The following PLA2G4B variants were observed in gnomAD, a reference collection of about 807,000 sequenced individuals.
The protein encoded by PLA2G4B is cytosolic phospholipase A2 beta.
In PLA2G4B, 122 loss-of-function variants were observed where a neutral mutation model predicts 95.8. The ratio of observed to expected loss-of-function variants is 1.27; its 90% CI spans 1.10 to 1.48. PLA2G4B has a LOEUF of 1.48. PLA2G4B is among the 40% of genes most tolerant of loss of function. PLA2G4B has a pLI of 0.00. For synonymous variants in PLA2G4B, 518 were observed against 421.5 expected (o/e 1.23, Z -2.80); for missense variants, 1,158 against 996.2 (o/e 1.16, Z -2.19).
In PLA2G4B at chr15:41,842,542, C is replaced by T. The variant is rs2065452836; in HGVS notation, c.706-12C>T. On this transcript the variant is annotated splice_polypyrimidine_tract_variant and intron_variant, in intron 9 of 19. Coordinates refer to ENST00000458483, the MANE Select transcript of PLA2G4B (RefSeq NM_001114633.2). ...GCCGACCTTTTGTGACTGGGGCCTT[C>T]ACGGTTTTCAGGAGCCCCTGATGAG... 6.2e-7 allele frequency: 1 copy of T among 1,610,978 alleles called. No homozygotes were observed. The highest frequency in any genetic ancestry group is 8.5e-7 in the Non-Finnish European group (1 of 1,179,128).
rs773104514 is a variant in PLA2G4B at position 41,841,586 on chromosome 15, C to G, written c.490+15C>G. The G allele has an allele frequency of 6.2e-7, 1 of 1,613,960 alleles. No homozygotes were observed. Among genetic ancestry groups the G allele is most frequent in the South Asian group, 1.1e-5 (1 of 91,080 alleles). ...AGACCAGAAGTGTGAGTCCCCAACCCACTGGGACAGCCCCTGGCTCTCAGC... is the reference window on the plus strand; with the variant it reads ...AGACCAGAAGTGTGAGTCCCCAACCGACTGGGACAGCCCCTGGCTCTCAGC... On this transcript the variant is annotated intron_variant, in intron 7 of 19. Coordinates refer to ENST00000458483, the MANE Select transcript of PLA2G4B (RefSeq NM_001114633.2).
At position 41,844,506 on chromosome 15, in the gene PLA2G4B, G is replaced by C. The variant is rs140661399; in HGVS notation, c.915G>C (p.Gly305=). 5.0e-5 allele frequency: 80 copies of C among 1,614,178 alleles called. No homozygotes were observed. The African/African-American group carries it at 9.9e-4, about 20-fold the overall frequency. Residue 305 remains glycine (G), a synonymous_variant, in exon 12 of 20, where the codon GGG becomes GGC. Transcript: ENST00000458483. ...PVVAIMATGG[G]IRAMTSLYGQ... Reference sequence around the variant, plus strand: ...TAGCTATTATGGCCACTGGTGGTGGGATCCGGGCAATGACTTCCCTGTATG... The same window carrying C: ...TAGCTATTATGGCCACTGGTGGTGGCATCCGGGCAATGACTTCCCTGTATG...
Position 41,845,231 on chromosome 15 carries a change from G to A in PLA2G4B, c.1268G>A (p.Arg423Gln), listed in dbSNP as rs769318009. ...EPHDHKLSDQ[R>Q]EALSHGQNPL... ...CATGATCACAAGCTCTCAGATCAAC[G>A]GGAGGCCCTGAGTCATGGCCAGAAC... Residue 423 changes from arginine (R) to glutamine (Q), a missense_variant, in exon 14 of 20, where the codon CGG (arginine) becomes CAG (glutamine). Physicochemically the swap from Arg to Gln is conservative, Grantham distance 43. Transcript: ENST00000458483. 18 of 1,614,010 alleles carry A rather than the reference G, an allele frequency of 1.1e-5. No individual in the cohort carries two copies. Among genetic ancestry groups the A allele is most frequent in the African/African-American group, 6.7e-5 (5 of 74,910 alleles).
Position 41,840,233 on chromosome 15 carries a change from G to T in PLA2G4B, c.82+3G>T. On this transcript the variant is annotated splice_donor_region_variant and intron_variant, in intron 2 of 19. Coordinates refer to ENST00000458483, the MANE Select transcript of PLA2G4B (RefSeq NM_001114633.2). ...TCGCCTACCCTCTAAGGACCTAGGT[G>T]AGTGCGCACCGCCCTGGCCCCTGTG... 1 of 1,612,836 alleles carries T rather than the reference G, an allele frequency of 6.2e-7. No individual in the cohort carries two copies.
At chr15:41,838,973 T>A in intron 1 of PLA2G4B, 51 bp downstream of exon 1, 2 of 1,442,210 alleles carry the variant, frequency 1.4e-6, no homozygotes, top group Non-Finnish European at 1.9e-6. Context: ...GGTCTCTACC[T>A]GGGGCCTAGT....
At chr15:41,841,144 G>T in intron 5 of PLA2G4B, 49 bp downstream of exon 5, 2 of 1,613,474 alleles carry the variant, frequency 1.2e-6, no homozygotes, top group Non-Finnish European at 8.5e-7. Context: ...TTGTGGGAAG[G>T]ACAGCACTAG....
In PLA2G4B at chr15:41,842,561, TGATG is replaced by T. The variant is rs1404760094; in HGVS notation, c.714_717del (p.Met239GlufsTer4). 2 of 1,609,444 alleles carry T rather than the reference TGATG, an allele frequency of 1.2e-6. No individual in the cohort carries two copies. Among genetic ancestry groups the T allele is most frequent in the Admixed American group, 3.4e-5 (2 of 58,330 alleles). On this transcript the variant is annotated frameshift_variant, in exon 10 of 20. Transcript: ENST00000458483. LOFTEE classifies it high-confidence loss of function. ...GGCCTTCACGGTTTTCAGGAGCCCCTGATGAGAGTGGAGCTGAAAAAAGAAGCAG... is the reference window on the plus strand; with the variant it reads ...GGCCTTCACGGTTTTCAGGAGCCCCTAGAGTGGAGCTGAAAAAAGAAGCAG...
chr15:41,845,505 A>T, intron 14 of PLA2G4B, 133 bp from the exon 15 acceptor site: 1 of 1,485,436 alleles, frequency 6.7e-7, no homozygotes, highest in South Asian at 1.3e-5. Flanking sequence ...CTTAGGTCCT[A>T]TGCACGAAGC....
intron 10 of PLA2G4B, among the ~76,000 whole-genome samples, 170 bp from the exon 11 acceptor site, chr15:41,843,506 C>G (rs1251842581): frequency 6.6e-6 from 1 of 152,236 alleles, no homozygotes; most frequent in South Asian, 2.1e-4. Flanking sequence ...AGCATGTCCA[C>G]ATGGACACAC....
intron 8 of PLA2G4B, 75 bp downstream of exon 8, chr15:41,842,024 C>T: frequency 6.4e-7 from 1 of 1,566,860 alleles, no homozygotes; most frequent in Non-Finnish European, 8.6e-7. Flanking sequence ...CCAGTCTGAC[C>T]TCTGCTCCAC....
In PLA2G4B at chr15:41,847,860, A is replaced by G; in HGVS notation, c.2346A>G (p.Ter782TrpextTer57). Reference protein sequence around the residue: ...VQRRRQRRPH* With the variant: ...VQRRRQRRPHW ...GGAGGCGGCAGCGCAGGCCCCACTGATGGCCGGGGCCCCTGCCACCCCTAA... is the reference window on the plus strand; with the variant it reads ...GGAGGCGGCAGCGCAGGCCCCACTGGTGGCCGGGGCCCCTGCCACCCCTAA... Residue 782 changes from the stop codon to tryptophan (W), a stop_lost, in exon 20 of 20, where the codon TGA becomes TGG. Transcript: ENST00000458483. The G allele has an allele frequency of 6.2e-7, 1 of 1,611,738 alleles. No homozygotes were observed. The highest frequency in any genetic ancestry group is 8.5e-7 in the Non-Finnish European group (1 of 1,179,524).
chr15:41,847,581 C>T lies in PLA2G4B; in HGVS notation c.2134+58C>T, dbSNP rs369801029. On this transcript the variant is annotated intron_variant, in intron 19 of 19. Transcript: ENST00000458483. ...CCCAGTCCCCCACACCTCCTCCGTC[C>T]CCTGTGCCTCTCCAAACCTGTCTTC... is the stretch of plus-strand genomic sequence containing the variant. The T allele has an allele frequency of 3.4e-4, 545 of 1,609,904 alleles. No homozygotes were observed. The Middle Eastern group carries it at 4.1e-3, about 12-fold the overall frequency.
At chr15:41,846,092 C>A in intron 16 of PLA2G4B, 45 bp downstream of exon 16, 1 of 1,571,030 alleles carries the variant, frequency 6.4e-7, no homozygotes. Context: ...GGGCAGCCAG[C>A]TGGGGCTGCA....
rs748247336 is a variant in PLA2G4B, at chr15:41,845,241, G to A, written c.1278G>A (p.Leu426=). The A allele has an allele frequency of 1.9e-6, 3 of 1,614,076 alleles. No individual in the cohort carries two copies. Among genetic ancestry groups the A allele is most frequent in the South Asian group, 1.1e-5 (1 of 91,084 alleles). Residue 426 remains leucine, a synonymous_variant, in exon 14 of 20, where the codon CTG becomes CTA. Transcript: ENST00000458483. ...AGCTCTCAGATCAACGGGAGGCCCT[G>A]AGTCATGGCCAGAACCCTCTGCCCA... is the stretch of plus-strand genomic sequence containing the variant. ...DHKLSDQREA[L]SHGQNPLPIY...
Position 41,843,794 on chromosome 15 carries a change from G to T in PLA2G4B, c.862G>T (p.Asp288Tyr), listed in dbSNP as rs200688639. The change falls in exon 11 of 20, where the codon GAC becomes TAC. Residue 288 changes from aspartate (D) to tyrosine (Y), a missense_variant. By Grantham distance (160) the Asp-to-Tyr change is radical. Transcript: ENST00000458483. ...GAGGCAGGCCCTGCAGCTGGACGGA[G>T]ACCTGCAGGAGGATGAGGTTTGGGG... The part of the protein sequence containing the change: ...ALRQALQLDG[D>Y]LQEDEIPVVA... The T allele has an allele frequency of 6.2e-7, 1 of 1,613,794 alleles. No homozygotes were observed. Among genetic ancestry groups the T allele is most frequent in the East Asian group, 2.2e-5 (1 of 44,862 alleles).
At chr15:41,845,887 A>C in intron 15 of PLA2G4B, 56 bp from the exon 16 acceptor site, 2 of 1,516,836 alleles carry the variant, frequency 1.3e-6, no homozygotes, top group Non-Finnish European at 1.8e-6. Flanking sequence ...GCCATGGGGA[A>C]GGGTAGGATT....
Position 41,845,197 on chromosome 15 carries a change from C to A in PLA2G4B, c.1240-6C>A. On this transcript the variant is annotated splice_region_variant and splice_polypyrimidine_tract_variant and intron_variant, in intron 13 of 19. Transcript: ENST00000458483. ...GTGGGTTTAGGTTCTACGCATCTTT[C>A]CCCAGCCCCATGATCACAAGCTCTC... The A allele has an allele frequency of 1.9e-6, 3 of 1,614,128 alleles. No homozygotes were observed. The highest frequency in any genetic ancestry group is 2.5e-6 in the Non-Finnish European group (3 of 1,179,994).
rs558101857 is a variant in PLA2G4B at position 41,844,859 on chromosome 15, A to G, written c.1028A>G (p.Asn343Ser). ...GASGSTWALA[N>S]LYEDPEWSQK... The stretch of plus-strand genomic sequence containing the variant: ...TTGGCTTTTCCCAGGGCCTTGGCCA[A>G]CCTTTATGAGGACCCAGAGTGGTCT... The change falls in exon 13 of 20, where the codon AAC becomes AGC. Residue 343 changes from asparagine (N) to serine (S), a missense_variant. Transcript: ENST00000458483. 16 of 1,605,468 alleles carry G rather than the reference A, an allele frequency of 1.0e-5. No homozygotes were observed. Among genetic ancestry groups the G allele is most frequent in the South Asian group, 2.2e-5 (2 of 89,314 alleles).
At position 41,842,290 on chromosome 15, in the gene PLA2G4B, A is replaced by G. The variant is rs2065446728; in HGVS notation, c.705+14A>G. The G allele has an allele frequency of 1.9e-6, 3 of 1,613,460 alleles. No individual in the cohort carries two copies. The highest frequency in any genetic ancestry group is 2.5e-6 in the Non-Finnish European group (3 of 1,179,870). Reference sequence around the variant, plus strand: ...CCCACGTCCCAGGTACTGGCCTCCCAGGGAAGGAAGCAAGGCGCCTGGATG... The same window carrying G: ...CCCACGTCCCAGGTACTGGCCTCCCGGGGAAGGAAGCAAGGCGCCTGGATG... On this transcript the variant is annotated intron_variant, in intron 9 of 19. Transcript: ENST00000458483.
Sources: gnomAD v4.1 joint callset for allele counts (sites outside exome capture counted in the v4.1 genomes callset) on GRCh38, gnomAD v4.1.1 for gene constraint, MANE v1.5 for transcripts, NCBI Gene and HGNC (gene_info 2026-07-23, HGNC 2026-07-21) for gene names.